Variants in SPIDR observed in about 807,000 individuals in gnomAD.
SPIDR encodes the protein scaffold protein involved in DNA repair.
Under a neutral mutation model 104.6 loss-of-function variants are expected in SPIDR, and 93 were observed. That is an observed-to-expected ratio of 0.89 (90% confidence interval 0.75 to 1.06). The LOEUF is 1.06. Among genes scored for constraint, SPIDR ranks in the 50% least tolerant of loss-of-function variants. SPIDR has a pLI of 0.00. For synonymous variants in SPIDR, 431 were observed against 416.9 expected (o/e 1.03, Z -0.41); for missense variants, 1,154 against 1,111.2 (o/e 1.04, Z -0.55).
chr8:47,374,839 T>G (rs1370134616), intron 5 of SPIDR, among the ~76,000 whole-genome samples: 1 of 152,084 alleles, frequency 6.6e-6, no homozygotes, highest in East Asian at 1.9e-4. Flanking sequence ...GCAGATCACT[T>G]GAAGTTAGGA....
At position 47,668,927 on chromosome 8, in the gene SPIDR, T is replaced by C. The variant is rs980890283; in HGVS notation, c.1545-4874T>C. ...ATATGGAGAAACTTACAAAATTTTA[T>C]TATAAAAATTGACCTAAGTACCCCA... is the stretch of plus-strand genomic sequence containing the variant. On this transcript the variant is annotated intron_variant, in intron 10 of 19. Coordinates refer to ENST00000297423, the MANE Select transcript of SPIDR (RefSeq NM_001080394.4). 2.2e-4 allele frequency among the ~76,000 whole-genome samples: 34 copies of C among 152,130 alleles called. 1 individual carries two copies. The highest frequency in any genetic ancestry group is 2.2e-3 in the Admixed American group (34 of 15,282).
chr8:47,602,672 G>A (rs1195507886), intron 10 of SPIDR, among the ~76,000 whole-genome samples: 2 of 152,154 alleles, frequency 1.3e-5, no homozygotes, highest in East Asian at 1.9e-4. Flanking sequence ...CCAGTCCTCG[G>A]TCAGTGTCAC....
intron 5 of SPIDR, among the ~76,000 whole-genome samples, chr8:47,319,982 A>G (rs1234533922): frequency 1.3e-5 from 2 of 151,972 alleles, no homozygotes; most frequent in East Asian, 3.9e-4. Context: ...CTAAATGCCC[A>G]CAAGAGAAAG....
intron 10 of SPIDR, chr8:47,660,565 T>A: frequency 2.0e-6 from 2 of 976,180 alleles, no homozygotes; most frequent in Non-Finnish European, 2.4e-6. Context: ...GACTGCTGCC[T>A]TGTTTTCCCA....
At chr8:47,540,688 G>A (rs192843928) in intron 8 of SPIDR, among the ~76,000 whole-genome samples, 78 of 152,016 alleles carry the variant, frequency 5.1e-4, no homozygotes, top group Admixed American at 1.2e-3. Flanking sequence ...TTTCTTCTTC[G>A]TTTTCTTCTT....
chr8:47,308,555 C>T (rs902266935), intron 5 of SPIDR, among the ~76,000 whole-genome samples: 3 of 148,172 alleles, frequency 2.0e-5, no homozygotes, highest in African/African-American at 2.5e-5. Context: ...TTTCAAATGC[C>T]GTAGTCTTTA....
In SPIDR at chr8:47,500,977, T is replaced by G. The variant is rs549393981; in HGVS notation, c.1097+60435T>G. Among the ~76,000 whole-genome samples the G allele has an allele frequency of 9.1e-4, 138 of 152,214 alleles. 1 individual carries two copies. In the South Asian group the frequency reaches 0.024, roughly 27 times the overall value. On this transcript the variant is annotated intron_variant, in intron 8 of 19. Transcript: ENST00000297423. ...TAGATATGCGGCATTATTTCTGAGG[T>G]CTCTGTTCTGTTCCATTGATCTATA...
At chr8:47,585,433 T>A (rs1432989288) in intron 8 of SPIDR, among the ~76,000 whole-genome samples, 5 of 152,212 alleles carry the variant, frequency 3.3e-5, no homozygotes, top group Non-Finnish European at 5.9e-5. Flanking sequence ...TTTATTAAAT[T>A]TTTTATTTTT....
At chr8:47,631,238 A>G (rs961327349) in intron 10 of SPIDR, among the ~76,000 whole-genome samples, 12 of 152,200 alleles carry the variant, frequency 7.9e-5, no homozygotes, top group Non-Finnish European at 1.6e-4. Context: ...CCCTAGACCC[A>G]AACTTGTGAC....
intron 7 of SPIDR, among the ~76,000 whole-genome samples, chr8:47,433,295 C>T (rs2154340327): frequency 6.6e-6 from 1 of 152,318 alleles, no homozygotes; most frequent in East Asian, 1.9e-4. Flanking sequence ...AGCTTCCCTA[C>T]TTAATCCCTT....
chr8:47,394,892 G>A (rs577108263), intron 5 of SPIDR, among the ~76,000 whole-genome samples: 1 of 152,108 alleles, frequency 6.6e-6, no homozygotes, highest in East Asian at 1.9e-4. Context: ...GAGTGAGTTA[G>A]GCACAAAACT....
chr8:47,329,293 G>A (rs1307557395), intron 5 of SPIDR, among the ~76,000 whole-genome samples: 1 of 151,570 alleles, frequency 6.6e-6, no homozygotes, highest in Non-Finnish European at 1.5e-5. Flanking sequence ...GGATGGTCTC[G>A]ATCTCCTGAC....
intron 19 of SPIDR, chr8:47,731,992 T>C: frequency 1.7e-6 from 1 of 605,212 alleles, no homozygotes; most frequent in South Asian, 2.0e-5. Flanking sequence ...GGCACACAGC[T>C]CTCCAGCTGC....
rs2060471098 is a variant in SPIDR, at chr8:47,588,033, AT to A, written c.1098-7777del. Among the ~76,000 whole-genome samples the A allele has an allele frequency of 8.4e-3, 196 of 23,292 alleles. 36 individuals are homozygous for A. The highest frequency in any genetic ancestry group is 0.01 in the East Asian group (9 of 866). The allele number at this position is 23,292 out of a possible 152,430, so 15.3% of individuals were successfully genotyped here. On this transcript the variant is annotated intron_variant, in intron 8 of 19. Coordinates refer to ENST00000297423, the MANE Select transcript of SPIDR (RefSeq NM_001080394.4). ...TGCAACTTTTAAAATTAGCATATAT[AT>A]ATATATATATATATATATATATATA...
chr8:47,571,166 G>T (rs1009275680), intron 8 of SPIDR, among the ~76,000 whole-genome samples: 5 of 152,220 alleles, frequency 3.3e-5, no homozygotes, highest in Non-Finnish European at 7.4e-5. Flanking sequence ...GAAATGGAGA[G>T]ATATTAGTTA....
At chr8:47,440,619 A>G (rs1487678381) in intron 8 of SPIDR, 77 bp downstream of exon 8, 79 of 1,452,554 alleles carry the variant, frequency 5.4e-5, no homozygotes, top group Non-Finnish European at 6.7e-5. Context: ...TATCAGTTAC[A>G]TTTTTGTCAC....
chr8:47,484,513 G>A (rs1247839009), intron 8 of SPIDR, among the ~76,000 whole-genome samples: 4 of 152,202 alleles, frequency 2.6e-5, no homozygotes, highest in Non-Finnish European at 5.9e-5. Flanking sequence ...GGTGGCAGAG[G>A]CACAGTGACA....
intron 5 of SPIDR, among the ~76,000 whole-genome samples, chr8:47,348,022 G>C (rs1436580687): frequency 4.6e-5 from 7 of 152,122 alleles, no homozygotes; most frequent in African/African-American, 1.7e-4. Flanking sequence ...CTCGTTATTT[G>C]ATGCAGTTTC....
chr8:47,363,500 T>TA lies in SPIDR; in HGVS notation c.526-32858dup, dbSNP rs34766173. On this transcript the variant is annotated intron_variant, in intron 5 of 19. Coordinates refer to ENST00000297423, the MANE Select transcript of SPIDR (RefSeq NM_001080394.4). ...GTGAGCTACCACGCCCAACCTTTTTTAAAAAAAAAAAAAAAAAATTAGGTC... is the reference window on the plus strand; with the variant it reads ...GTGAGCTACCACGCCCAACCTTTTTTAAAAAAAAAAAAAAAAAAATTAGGTC... Among the ~76,000 whole-genome samples the TA allele has an allele frequency of 2.4e-3, 333 of 139,676 alleles. 3 individuals are homozygous for TA. Among genetic ancestry groups the TA allele is most frequent in the African/African-American group, 6.9e-3 (249 of 36,118 alleles). The allele number at this position is 139,676 out of a possible 152,430, so 91.6% of individuals were successfully genotyped here.
Sources: gnomAD v4.1 joint callset for allele counts (sites outside exome capture counted in the v4.1 genomes callset) on GRCh38, gnomAD v4.1.1 for gene constraint, MANE v1.5 for transcripts, NCBI Gene and HGNC (gene_info 2026-07-23, HGNC 2026-07-21) for gene names.